BABAM2: variants seen among roughly 807,000 people sequenced by gnomAD.
BABAM2 encodes the protein BRISC and BRCA1-A complex member 2.
In BABAM2, 31 loss-of-function variants were observed where a neutral mutation model predicts 54.7. That is an observed-to-expected ratio of 0.57 (90% CI 0.43 to 0.77). The LOEUF is 0.77. BABAM2 is among the 30% of genes least tolerant of loss of function. The pLI, the probability that BABAM2 is intolerant of heterozygous loss-of-function variation, is 0.00. For missense variants in BABAM2, 364 were observed against 455.8 expected (o/e 0.80, Z 1.83); for synonymous variants, 167 against 162.9 (o/e 1.03, Z -0.19).
intron 6 of BABAM2, among the ~76,000 whole-genome samples, chr2:28,075,994 C>T (rs1036213258): frequency 2.6e-5 from 4 of 151,974 alleles, no homozygotes; most frequent in Admixed American, 6.6e-5. Flanking sequence ...CCAGGTGTGG[C>T]GGCTCATGCC....
chr2:28,051,865 G>A (rs1353647807), intron 6 of BABAM2, among the ~76,000 whole-genome samples: 2 of 151,906 alleles, frequency 1.3e-5, no homozygotes, highest in Non-Finnish European at 2.9e-5. Flanking sequence ...GAGCAGGCTG[G>A]TCTTGAACTT....
chr2:27,965,055 A>G (rs1670742493), intron 3 of BABAM2, among the ~76,000 whole-genome samples: 1 of 152,224 alleles, frequency 6.6e-6, no homozygotes, highest in African/African-American at 2.4e-5. Flanking sequence ...GAGTTCAACT[A>G]TGTCAGAAAC....
At position 28,306,068 on chromosome 2, in the gene BABAM2, G is replaced by A. The variant is rs192482969; in HGVS notation, c.1088+7577G>A. 6.8e-4 allele frequency among the ~76,000 whole-genome samples: 103 copies of A among 152,028 alleles called. 1 individual carries two copies. Among genetic ancestry groups the A allele is most frequent in the Middle Eastern group, 3.4e-3 (1 of 294 alleles). ...ATATCTTATTGATTTATATTAATTC[G>A]GTTTTGGTCAGAGATCATAACCTGT... On this transcript the variant is annotated intron_variant, in intron 11 of 11. Coordinates refer to ENST00000379624, the MANE Select transcript of BABAM2 (RefSeq NM_199191.3).
At chr2:28,026,967 T>A (rs9678668) in intron 5 of BABAM2, among the ~76,000 whole-genome samples, 5 of 83,668 alleles carry the variant, frequency 6.0e-5, no homozygotes, top group East Asian at 2.7e-4. Context: ...TAAATATATA[T>A]ATAAATATAT....
At chr2:28,184,345 ATACTT>A (rs1447369487) in intron 7 of BABAM2, among the ~76,000 whole-genome samples, 1 of 133,082 alleles carries the variant, frequency 7.5e-6, no homozygotes, top group African/African-American at 2.8e-5. Flanking sequence ...TTTTTTTTAA[ATACTT>A]TAAGTTCTAG....
intron 5 of BABAM2, among the ~76,000 whole-genome samples, chr2:28,033,554 C>T (rs148974573): frequency 7.2e-5 from 11 of 152,154 alleles, no homozygotes; most frequent in African/African-American, 2.4e-4. Flanking sequence ...CTTGTAAAGC[C>T]GCCAGTTCCC....
chr2:28,316,978 A>G (rs1445390176), intron 11 of BABAM2, among the ~76,000 whole-genome samples: 1 of 152,164 alleles, frequency 6.6e-6, no homozygotes, highest in Non-Finnish European at 1.5e-5. Context: ...GGATCTGAGT[A>G]TTCTTGGCAC....
chr2:28,131,927 C>T (rs1317433273), intron 7 of BABAM2, among the ~76,000 whole-genome samples: 2 of 152,116 alleles, frequency 1.3e-5, no homozygotes, highest in Non-Finnish European at 2.9e-5. Flanking sequence ...AATAATTTGC[C>T]AGCTCAGAAA....
At chr2:28,298,963 T>G (rs967257760) in intron 11 of BABAM2, among the ~76,000 whole-genome samples, 1 of 152,240 alleles carries the variant, frequency 6.6e-6, no homozygotes, top group Non-Finnish European at 1.5e-5. Context: ...TGGCAGCTAC[T>G]TTTTATAGTT....
At chr2:28,069,268 A>G (rs1663904660) in intron 6 of BABAM2, among the ~76,000 whole-genome samples, 1 of 152,236 alleles carries the variant, frequency 6.6e-6, no homozygotes, top group African/African-American at 2.4e-5. Context: ...ATTATACAAT[A>G]TGTTGGAATG....
chr2:28,112,042 CT>C (rs1055771709), intron 6 of BABAM2, among the ~76,000 whole-genome samples: 11 of 152,098 alleles, frequency 7.2e-5, no homozygotes, highest in African/African-American at 2.4e-4. Context: ...CCTTTTACCA[CT>C]TCTAGAAGAT....
intron 2 of BABAM2, among the ~76,000 whole-genome samples, chr2:27,927,296 C>T (rs751429001): frequency 6.6e-5 from 10 of 152,204 alleles, no homozygotes; most frequent in African/African-American, 9.7e-5. Flanking sequence ...AAACTGGAAT[C>T]AGGTTAATCC....
At chr2:28,141,651 G>A (rs188870902) in intron 7 of BABAM2, among the ~76,000 whole-genome samples, 1 of 152,252 alleles carries the variant, frequency 6.6e-6, no homozygotes, top group East Asian at 1.9e-4. Flanking sequence ...GCACTTCAGA[G>A]CTTTCCTCTT....
intron 10 of BABAM2, among the ~76,000 whole-genome samples, chr2:28,284,646 T>C (rs1686646513): frequency 6.6e-6 from 1 of 152,166 alleles, no homozygotes; most frequent in African/African-American, 2.4e-5. Context: ...TGGAAGAAGA[T>C]TGTAGAATTA....
chr2:27,991,649 A>G (rs1051295634), intron 4 of BABAM2, among the ~76,000 whole-genome samples: 19 of 152,228 alleles, frequency 1.2e-4, no homozygotes, highest in African/African-American at 4.1e-4. Flanking sequence ...ATGGAATCAT[A>G]TAATATGTTG....
chr2:28,015,716 C>G, intron 4 of BABAM2: 1 of 1,006,196 alleles, frequency 9.9e-7, no homozygotes, highest in South Asian at 1.7e-5. Context: ...ATTGTGCTTT[C>G]TTTATAAGGG....
chr2:28,266,933 A>T (rs1558486199), intron 10 of BABAM2, among the ~76,000 whole-genome samples: 1 of 152,216 alleles, frequency 6.6e-6, no homozygotes, highest in Non-Finnish European at 1.5e-5. Flanking sequence ...AGGCGTGTGG[A>T]TCAGCTGAGA....
intron 3 of BABAM2, among the ~76,000 whole-genome samples, chr2:27,961,463 C>G (rs1670462953): frequency 6.6e-6 from 1 of 152,112 alleles, no homozygotes; most frequent in South Asian, 2.1e-4. Context: ...ATTTTGCCTA[C>G]CTATAAGCTA....
chr2:28,149,820 C>T (rs903372518), intron 7 of BABAM2, among the ~76,000 whole-genome samples: 1 of 152,148 alleles, frequency 6.6e-6, no homozygotes, highest in Non-Finnish European at 1.5e-5. Context: ...ATGTACCTCT[C>T]GCTTCAGCAA....
Sources: gnomAD v4.1 joint callset for allele counts (sites outside exome capture counted in the v4.1 genomes callset) on GRCh38, gnomAD v4.1.1 for gene constraint, MANE v1.5 for transcripts, NCBI Gene and HGNC (gene_info 2026-07-23, HGNC 2026-07-21) for gene names.